The following SPDYE1 variants were observed in gnomAD, a reference collection of about 807,000 sequenced individuals.
SPDYE1 encodes speedy/RINGO cell cycle regulator family member E1, also known as speedy protein E1.
Under a neutral mutation model 45.9 loss-of-function variants are expected in SPDYE1, and 29 were observed. That is an observed-to-expected ratio of 0.63 (90% CI 0.47 to 0.86). SPDYE1 has a LOEUF of 0.86. Ranked by LOEUF, SPDYE1 falls within the 40% of genes least tolerant of loss-of-function variation. The pLI, the probability that SPDYE1 is intolerant of heterozygous loss-of-function variation, is 0.00. For missense variants in SPDYE1, 346 were observed against 481.4 expected, an observed-to-expected ratio of 0.72 and a Z score of 2.63; for synonymous variants, 134 against 176.8, an observed-to-expected ratio of 0.76 and a Z score of 1.92.
At position 44,001,108 on chromosome 7, in the gene SPDYE1, G is replaced by T. The variant is rs969592695; in HGVS notation, c.203G>T (p.Trp68Leu). 1.1e-5 allele frequency: 18 copies of T among 1,598,038 alleles called. No individual in the cohort carries two copies. Among genetic ancestry groups the T allele is most frequent in the Non-Finnish European group, 1.5e-5 (18 of 1,179,826 alleles). ...AGCCCCCCATGTAGGTCCCTTGGCT[G>T]GAAAAGGAAGAGGGAGTGGTCAGAT... ...DPSPPCRSLGWKRKREWSDES... is the reference protein window; with the variant it reads ...DPSPPCRSLGLKRKREWSDES... Residue 68 changes from tryptophan to leucine, a missense_variant, in exon 3 of 9, where the codon TGG (tryptophan) becomes TTG (leucine). Physicochemically the swap from Trp to Leu is moderately conservative, Grantham distance 61 (BLOSUM62 -2). Coordinates refer to ENST00000693451, the MANE Select transcript of SPDYE1 (RefSeq NM_001378423.2).
Position 44,009,004 on chromosome 7 carries a change from C to A in SPDYE1, c.*383C>A. On this transcript the variant is annotated 3_prime_UTR_variant, in exon 9 of 9. Transcript: ENST00000693451. ...GTCCTGTTTCTTACGGACTTGGTTG[C>A]CACAGTCCAGGAGCATTTGAAGGCA... 1 of 405,858 alleles carries A rather than the reference C, an allele frequency of 2.5e-6. No individual in the cohort carries two copies. The highest frequency in any genetic ancestry group is 1.9e-5 in the South Asian group (1 of 53,986). The allele number at this position is 405,858 out of a possible 1,614,324, so 25.1% of individuals were successfully genotyped here. A position where few individuals can be genotyped will look rare whatever the true frequency, so the allele number is the denominator to read the frequency against.
rs570856144 is a variant in SPDYE1, at chr7:44,004,224, G to A, written c.666+313G>A. The A allele has an allele frequency of 6.6e-3, 3,104 of 468,060 alleles. 48 individuals are homozygous for A. The highest frequency in any genetic ancestry group is 0.055 in the African/African-American group (2,786 of 50,946). The allele number at this position is 468,060 out of a possible 1,614,324, so 29.0% of individuals were successfully genotyped here. ...TAATTTTTGTGTTTTTAGTAGAAACGGGGTTTTGCCATGTTGGCCAGGTTG... is the reference window on the plus strand; with the variant it reads ...TAATTTTTGTGTTTTTAGTAGAAACAGGGTTTTGCCATGTTGGCCAGGTTG... On this transcript the variant is annotated intron_variant, in intron 5 of 8. Transcript: ENST00000693451.
At chr7:44,002,539 A>C (rs2096065101) in intron 3 of SPDYE1, 51 bp from the exon 4 acceptor site, 1 of 1,540,132 alleles carries the variant, frequency 6.5e-7, no homozygotes, top group Non-Finnish European at 8.7e-7. Context: ...GTCGGGCTCT[A>C]GTGTGATCAA....
At chr7:44,001,007 C>T (rs1274939216) in intron 2 of SPDYE1, 59 bp from the exon 3 acceptor site, 38 of 1,596,682 alleles carry the variant, frequency 2.4e-5, no homozygotes, top group Admixed American at 5.0e-5. Context: ...GGTTTTGGGT[C>T]GGGGTCTAAG....
chr7:44,007,360 T>C lies in SPDYE1; in HGVS notation c.845T>C (p.Leu282Ser). 6.2e-7 allele frequency: 1 copy of C among 1,613,338 alleles called. No individual in the cohort carries two copies. The highest frequency in any genetic ancestry group is 8.5e-7 in the Non-Finnish European group (1 of 1,179,576). The change falls in exon 7 of 9, where the codon TTG becomes TCG. Residue 282 changes from leucine (L) to serine (S), a missense_variant. Physicochemically the swap from Leu to Ser is moderately radical, Grantham distance 145. Coordinates refer to ENST00000693451, the MANE Select transcript of SPDYE1 (RefSeq NM_001378423.2). ...GGGAAGAACCGCTCTCGCATACCCT[T>C]GCTCCGTAAGCGTCGGTTCCAGTTA... ...LYGKNRSRIP[L>S]LRKRRFQLYR...
chr7:44,005,722 G>A lies in SPDYE1; in HGVS notation c.752+495G>A, dbSNP rs573368834. On this transcript the variant is annotated intron_variant, in intron 6 of 8. Transcript: ENST00000693451. The stretch of plus-strand genomic sequence containing the variant: ...CAAAAAAACAAACTCCAATGCCAGT[G>A]TACAAATAAAAGAATAAAACAAAAG... 3.2e-4 allele frequency among the ~76,000 whole-genome samples: 49 copies of A among 151,376 alleles called. No homozygotes were observed. The East Asian group carries it at 7.7e-3, about 24-fold the overall frequency.
In SPDYE1 at chr7:44,002,340, A is replaced by G. The variant is rs1382869004; in HGVS notation, c.380-250A>G. On this transcript the variant is annotated intron_variant, in intron 3 of 8. Coordinates refer to ENST00000693451, the MANE Select transcript of SPDYE1 (RefSeq NM_001378423.2). ...ACAACAAAAAAAAAAAAAAAAAAAA[A>G]GGGACTCAGAGAGCCAGGGACCAGG... is the stretch of plus-strand genomic sequence containing the variant. Among the ~76,000 whole-genome samples, 3 of 131,114 alleles carry G rather than the reference A, an allele frequency of 2.3e-5. No homozygotes were observed. In the Admixed American group the frequency reaches 2.4e-4, roughly 10 times the overall value. The allele number at this position is 131,114 out of a possible 152,430, so 86.0% of individuals were successfully genotyped here. A position where few individuals can be genotyped will look rare whatever the true frequency, so the allele number is the denominator to read the frequency against.
At chr7:44,006,062 T>C (rs1367867915) in intron 6 of SPDYE1, among the ~76,000 whole-genome samples, 17 of 152,184 alleles carry the variant, frequency 1.1e-4, no homozygotes, top group Non-Finnish European at 2.1e-4. Flanking sequence ...CTTCCTTAGC[T>C]GATGCCTTTC....
chr7:44,002,910 C>A (rs2096065874), intron 4 of SPDYE1, 93 bp downstream of exon 4: 4 of 754,506 alleles, frequency 5.3e-6, no homozygotes, highest in Non-Finnish European at 8.1e-6. Context: ...GAAAAATAGG[C>A]CCCAGTGGGT....
At chr7:44,002,553 C>T in intron 3 of SPDYE1, 37 bp from the exon 4 acceptor site, 3 of 1,556,634 alleles carry the variant, frequency 1.9e-6, no homozygotes, top group East Asian at 2.3e-5. Context: ...TGATCAACTG[C>T]AGAAGCATTA....
chr7:44,007,169 G>T, intron 6 of SPDYE1, 99 bp from the exon 7 acceptor site: 1 of 1,606,860 alleles, frequency 6.2e-7, no homozygotes, highest in Admixed American at 1.7e-5. Flanking sequence ...CCAGTCCTGA[G>T]CTAGGAACGG....
chr7:44,008,133 T>C (rs554959271), intron 8 of SPDYE1, among the ~76,000 whole-genome samples: 5 of 152,358 alleles, frequency 3.3e-5, no homozygotes, highest in Non-Finnish European at 5.9e-5. Flanking sequence ...AGGTTCATTA[T>C]GATTGACGCA....
intron 8 of SPDYE1, among the ~76,000 whole-genome samples, chr7:44,008,158 T>C (rs1046884534): frequency 4.9e-4 from 75 of 152,190 alleles, no homozygotes; most frequent in Admixed American, 1.4e-3. Flanking sequence ...AGTTACCGAT[T>C]TGGGTCGAGG....
chr7:44,005,082 C>T, intron 5 of SPDYE1, 60 bp from the exon 6 acceptor site: 1 of 1,581,356 alleles, frequency 6.3e-7, no homozygotes. Flanking sequence ...TCCCCCTCTC[C>T]ACAATCTTCC....
Position 44,002,705 on chromosome 7 carries a change from G to A in SPDYE1, c.495G>A (p.Glu165=). 2 of 1,596,798 alleles carry A rather than the reference G, an allele frequency of 1.3e-6. No homozygotes were observed. Among genetic ancestry groups the A allele is most frequent in the Non-Finnish European group, 1.7e-6 (2 of 1,179,800 alleles). ...EEEPRKVLAP[E]PEEIWVAEML... is the part of the protein sequence containing the mutation. ...AGCCACGGAAGGTGCTCGCCCCTGA[G>A]CCTGAGGAGATCTGGGTGGCGGAGA... The change falls in exon 4 of 9, where the codon GAG becomes GAA. Residue 165 remains glutamate (E), a synonymous_variant. Coordinates refer to ENST00000693451, the MANE Select transcript of SPDYE1 (RefSeq NM_001378423.2).
intron 2 of SPDYE1, 63 bp downstream of exon 2, chr7:44,000,172 GT>G (rs2096060797): frequency 1.0e-6 from 1 of 982,778 alleles, no homozygotes; most frequent in Admixed American, 6.2e-5. Flanking sequence ...AGGGGGCCGG[GT>G]GCGGTGGCTC....
At chr7:43,999,091 ATAGAC>A (rs1562627782) in intron 1 of SPDYE1, among the ~76,000 whole-genome samples, 1 of 151,894 alleles carries the variant, frequency 6.6e-6, no homozygotes, top group African/African-American at 2.4e-5. Flanking sequence ...AACTTGATAT[ATAGAC>A]TAGAGTTTCT....
chr7:44,000,618 C>G (rs1200240248), intron 2 of SPDYE1, among the ~76,000 whole-genome samples: 1 of 151,304 alleles, frequency 6.6e-6, no homozygotes, highest in African/African-American at 2.4e-5. Flanking sequence ...ATGGTGAAAC[C>G]CTGTCTCTAC....
At position 44,002,590 on chromosome 7, in the gene SPDYE1, C is replaced by T. The variant is rs536829023; in HGVS notation, c.380C>T (p.Ala127Val). 4.6e-4 allele frequency: 722 copies of T among 1,580,072 alleles called. 1 individual carries two copies. The highest frequency in any genetic ancestry group is 3.2e-3 in the Middle Eastern group (14 of 4,420). ...EHHKDFNSQL[A>V]PGVDPSPPHR... ...ACCGTGGCCTGGTTTCTTTACTCAG[C>T]CCCTGGGGTAGATCCCAGCCCCCCG... The change falls in exon 4 of 9, where the codon GCC becomes GTC. Residue 127 changes from alanine (A) to valine (V), a missense_variant and splice_region_variant. Physicochemically the swap from Ala to Val is moderately conservative, Grantham distance 64 (BLOSUM62 0). Around this residue, in one of 4 missense-constraint regions of SPDYE1, gnomAD observed 141 missense variants for 176.7 expected, o/e 0.80. Coordinates refer to ENST00000693451, the MANE Select transcript of SPDYE1 (RefSeq NM_001378423.2).
Sources: gnomAD v4.1 joint callset for allele counts (sites outside exome capture counted in the v4.1 genomes callset) on GRCh38, gnomAD v4.1.1 for gene constraint, gnomAD v4.1.1 regional missense constraint, MANE v1.5 for transcripts, NCBI Gene and HGNC (gene_info 2026-07-23, HGNC 2026-07-21) for gene names.